Variants in DACH2 observed in about 807,000 individuals in gnomAD.
DACH2 encodes dachshund homolog 2.
DACH2 carries 17 observed loss-of-function variants against 35.8 expected under a neutral mutation model. The observed-to-expected ratio is 0.48, with a 90% CI of 0.33 to 0.71. The LOEUF (loss-of-function observed/expected upper bound fraction) is 0.71. DACH2 is among the 30% of genes least tolerant of loss of function. The pLI is 0.02. For missense variants in DACH2, 469 were observed against 472.7 expected (o/e 0.99, Z 0.07); for synonymous variants, 195 against 177.3 (o/e 1.10, Z -0.79).
chrX:86,483,222 G>T (rs1332833827), intron 2 of DACH2, among the ~76,000 whole-genome samples: 1 of 109,492 alleles, frequency 9.1e-6, no homozygotes, highest in Non-Finnish European at 1.9e-5. Flanking sequence ...CTTGGTCCAA[G>T]CAGCATCTTT....
chrX:86,269,012 G>A (rs2033765936), intron 1 of DACH2, among the ~76,000 whole-genome samples: 1 of 110,309 alleles, frequency 9.1e-6, no homozygotes, highest in African/African-American at 3.3e-5. Flanking sequence ...ATTTTAAAAT[G>A]TACAATTAAG....
chrX:86,745,739 TG>T (rs1304642786), intron 7 of DACH2, among the ~76,000 whole-genome samples: 2 of 111,772 alleles, frequency 1.8e-5, no homozygotes, highest in Non-Finnish European at 3.8e-5. Context: ...TATATTCCTT[TG>T]GGTACATATC....
chrX:86,377,527 A>G (rs1404536386), intron 2 of DACH2, among the ~76,000 whole-genome samples: 1 of 110,840 alleles, frequency 9.0e-6, no homozygotes, highest in East Asian at 2.8e-4. Context: ...TTTAGGTTGT[A>G]GTGGTGAAAA....
chrX:86,334,650 G>A (rs1197577837), intron 1 of DACH2, among the ~76,000 whole-genome samples: 1 of 112,057 alleles, frequency 8.9e-6, no homozygotes, highest in African/African-American at 3.2e-5. Context: ...TGTAGAATCT[G>A]AATATTAGCC....
chrX:86,426,687 A>C (rs2036898917), intron 2 of DACH2, among the ~76,000 whole-genome samples: 1 of 111,171 alleles, frequency 9.0e-6, no homozygotes, highest in Admixed American at 9.6e-5. Context: ...TCAATATTTC[A>C]ATTTATCATG....
intron 2 of DACH2, among the ~76,000 whole-genome samples, chrX:86,393,953 T>C (rs1050876680): frequency 9.2e-6 from 1 of 108,135 alleles, no homozygotes; most frequent in Non-Finnish European, 1.9e-5. Flanking sequence ...TTATTATTAT[T>C]ATTATTATTA....
At chrX:86,414,919 G>T (rs2036677536) in intron 2 of DACH2, among the ~76,000 whole-genome samples, 1 of 111,455 alleles carries the variant, frequency 9.0e-6, no homozygotes, top group East Asian at 2.8e-4. Flanking sequence ...TCCCTAGAGG[G>T]ACAGGACTTA....
intron 4 of DACH2, among the ~76,000 whole-genome samples, chrX:86,654,190 A>T (rs1376894614): frequency 1.5e-5 from 1 of 68,831 alleles, no homozygotes; most frequent in East Asian, 8.5e-4. Flanking sequence ...TTTTTAGTAA[A>T]AAAAAAAAAA....
At chrX:86,405,149 C>T (rs1409074368) in intron 2 of DACH2, among the ~76,000 whole-genome samples, 1 of 111,549 alleles carries the variant, frequency 9.0e-6, no homozygotes, top group Non-Finnish European at 1.9e-5. Context: ...ATGAATGTCT[C>T]TGACATGCCC....
intron 2 of DACH2, among the ~76,000 whole-genome samples, chrX:86,396,521 G>A (rs772362804): frequency 2.7e-3 from 271 of 101,443 alleles, no homozygotes; most frequent in Non-Finnish European, 4.5e-3. Flanking sequence ...TATGGTTTTA[G>A]GTCTAACATT....
Position 86,235,422 on chromosome X carries a change from G to A in DACH2, c.488+86314G>A, listed in dbSNP as rs781238578. 2.9e-3 allele frequency among the ~76,000 whole-genome samples: 329 copies of A among 111,862 alleles called. 2 individuals carry two copies. The highest frequency in any genetic ancestry group is 0.01 in the African/African-American group (322 of 30,825). On this transcript the variant is annotated intron_variant, in intron 1 of 11. Transcript: ENST00000373125. ...CACGTCTTTACACATGCGTTTCCCC[G>A]CTTACCTTCCATCTTCACCTAGGTC...
intron 1 of DACH2, among the ~76,000 whole-genome samples, chrX:86,317,616 A>T (rs1191196173): frequency 3.6e-5 from 4 of 112,256 alleles, no homozygotes; most frequent in African/African-American, 1.3e-4. Context: ...TTGCAAAATA[A>T]ACTTTAGTCT....
intron 1 of DACH2, among the ~76,000 whole-genome samples, chrX:86,227,591 A>T (rs1173904521): frequency 9.2e-6 from 1 of 109,210 alleles, no homozygotes; most frequent in Non-Finnish European, 1.9e-5. Context: ...CCATCTTGGC[A>T]TTCACACCTC....
intron 3 of DACH2, among the ~76,000 whole-genome samples, chrX:86,639,732 A>G (rs1403762333): frequency 9.0e-6 from 1 of 111,675 alleles, no homozygotes; most frequent in African/African-American, 3.3e-5. Flanking sequence ...GCAGGCCACC[A>G]TCTTTGCTAC....
intron 2 of DACH2, among the ~76,000 whole-genome samples, chrX:86,416,733 G>C (rs1403690804): frequency 9.0e-6 from 1 of 110,846 alleles, no homozygotes; most frequent in Non-Finnish European, 1.9e-5. Flanking sequence ...AGGCAAAGGG[G>C]AGCAGACATC....
chrX:86,429,518 T>C lies in DACH2; in HGVS notation c.527+52656T>C, dbSNP rs192396971. Among the ~76,000 whole-genome samples, 31 of 107,143 alleles carry C rather than the reference T, an allele frequency of 2.9e-4. No individual in the cohort carries two copies. In the East Asian group the frequency reaches 3.6e-3, roughly 12 times the overall value. 93.0% of individuals were successfully genotyped at this position (107,143 alleles called of 115,157 possible). ...ATAAAACATATTGTTGTTAATAAAATGACTTTTCTAGAGTGCATTTCTTTT... is the reference window on the plus strand; with the variant it reads ...ATAAAACATATTGTTGTTAATAAAACGACTTTTCTAGAGTGCATTTCTTTT... On this transcript the variant is annotated intron_variant, in intron 2 of 11. Coordinates refer to ENST00000373125, the MANE Select transcript of DACH2 (RefSeq NM_053281.3).
intron 3 of DACH2, among the ~76,000 whole-genome samples, chrX:86,647,741 T>C (rs2040432262): frequency 9.0e-6 from 1 of 110,638 alleles, no homozygotes; most frequent in East Asian, 2.8e-4. Context: ...CTTATGGAGG[T>C]TTATGGTATA....
At chrX:86,759,245 C>T (rs1402380521) in intron 7 of DACH2, among the ~76,000 whole-genome samples, 1 of 112,004 alleles carries the variant, frequency 8.9e-6, no homozygotes, top group Admixed American at 9.5e-5. Context: ...GTATTGAAGA[C>T]TATCTCTGTC....
chrX:86,549,943 T>C (rs989610660), intron 3 of DACH2, among the ~76,000 whole-genome samples: 1 of 111,837 alleles, frequency 8.9e-6, no homozygotes, highest in Non-Finnish European at 1.9e-5. Flanking sequence ...ATGTAAATAG[T>C]CCTCAATCAA....
Sources: allele counts gnomAD v4.1 joint callset (sites outside exome capture counted in the v4.1 genomes callset), GRCh38; gene constraint gnomAD v4.1.1; transcripts MANE v1.5; gene names NCBI Gene and HGNC (gene_info 2026-07-23, HGNC 2026-07-21).